The following FAT4 variants were observed in gnomAD, a reference collection of about 807,000 sequenced individuals.
FAT4 encodes protocadherin Fat 4.
In FAT4, 84 loss-of-function variants were observed where a neutral mutation model predicts 303.9. The ratio of observed to expected loss-of-function variants is 0.28; its 90% CI spans 0.23 to 0.33. The LOEUF is 0.33. Among genes scored for constraint, FAT4 ranks in the 10% least tolerant of loss-of-function variants. The pLI is 1.00. For synonymous variants in FAT4, 2,307 were observed against 2,298.8 expected (o/e 1.00, Z -0.10); for missense variants, 6,005 against 6,146.8 (o/e 0.98, Z 0.77).
intron 11 of FAT4, among the ~76,000 whole-genome samples, chr4:125,464,561 C>T (rs572314709): frequency 1.5e-4 from 23 of 151,484 alleles, no homozygotes; most frequent in Non-Finnish European, 3.1e-4. Context: ...GGGTAATGTG[C>T]ACAACGTGCA....
intron 2 of FAT4, among the ~76,000 whole-genome samples, chr4:125,374,868 C>A (rs1332275170): frequency 2.6e-5 from 4 of 152,048 alleles, no homozygotes; most frequent in Non-Finnish European, 4.4e-5. Context: ...CAGAAGGATA[C>A]AAGTAAATGA....
chr4:125,457,396 T>C (rs750154843), intron 10 of FAT4, among the ~76,000 whole-genome samples: 42 of 152,138 alleles, frequency 2.8e-4, no homozygotes, highest in Non-Finnish European at 5.7e-4. Context: ...AGTTTATTTC[T>C]GAAATATTCT....
chr4:125,398,920 C>T lies in FAT4; in HGVS notation c.5307+5C>T. ...ACAGCCATGGATGCTGATGAGGTAG[C>T]TCAAGCATGTCTCTGAATTTGTGAA... On this transcript the variant is annotated splice_donor_5th_base_variant and intron_variant, in intron 3 of 17. Coordinates refer to ENST00000394329, the MANE Select transcript of FAT4 (RefSeq NM_001291303.3). The T allele has an allele frequency of 6.2e-7, 1 of 1,612,442 alleles. No individual in the cohort carries two copies. The highest frequency in any genetic ancestry group is 1.1e-5 in the South Asian group (1 of 90,928).
intron 2 of FAT4, among the ~76,000 whole-genome samples, chr4:125,397,094 C>T (rs914117603): frequency 1.3e-5 from 2 of 151,856 alleles, no homozygotes; most frequent in African/African-American, 4.8e-5. Context: ...TTTCTCAAAG[C>T]CTTTCTCTGG....
chr4:125,378,489 CTAAG>C (rs1733418918), intron 2 of FAT4, among the ~76,000 whole-genome samples: 1 of 151,940 alleles, frequency 6.6e-6, no homozygotes, highest in African/African-American at 2.4e-5. Context: ...ATTTGGTGAG[CTAAG>C]TATGGTCAAG....
Position 125,470,315 on chromosome 4 carries a change from G to A in FAT4, c.12213+1496G>A, listed in dbSNP as rs557424965. Among the ~76,000 whole-genome samples, 5 of 152,272 alleles carry A rather than the reference G, an allele frequency of 3.3e-5. No individual in the cohort carries two copies. The South Asian group carries it at 8.3e-4, about 25-fold the overall frequency. On this transcript the variant is annotated intron_variant, in intron 12 of 17. Transcript: ENST00000394329. ...ATTTTTAATATGGAAAAGGAGCACT[G>A]GTTTCAATTTCAAGACACCAGCTAT...
intron 8 of FAT4, among the ~76,000 whole-genome samples, chr4:125,440,610 T>TGTGTGTGTGTGAGAGAGA (rs372756130): frequency 1.7e-4 from 13 of 75,746 alleles, no homozygotes; most frequent in African/African-American, 6.4e-4. Flanking sequence ...TGTGTGTGTG[T>TGTGTGTGTGTGAGAGAGA]GAGAGAGAGA....
At chr4:125,402,455 T>A (rs535754847) in intron 3 of FAT4, among the ~76,000 whole-genome samples, 4 of 151,974 alleles carry the variant, frequency 2.6e-5, no homozygotes, top group Admixed American at 6.6e-5. Context: ...ACCATAAAAT[T>A]ACAATAAATA....
At chr4:125,446,065 A>C in intron 8 of FAT4, 1 of 383,810 alleles carries the variant, frequency 2.6e-6, no homozygotes, top group East Asian at 4.4e-5. Context: ...AACCTTGTGA[A>C]GACTTCCTTG....
At chr4:125,375,734 G>A (rs989588664) in intron 2 of FAT4, among the ~76,000 whole-genome samples, 1 of 152,116 alleles carries the variant, frequency 6.6e-6, no homozygotes, top group Non-Finnish European at 1.5e-5. Context: ...ATTAATTTCT[G>A]CTTTTAACCA....
chr4:125,371,975 G>A (rs1164951667), intron 2 of FAT4, among the ~76,000 whole-genome samples: 1 of 152,030 alleles, frequency 6.6e-6, no homozygotes, highest in East Asian at 1.9e-4. Flanking sequence ...ACAGAACCTG[G>A]CACTTGATAG....
intron 3 of FAT4, 39 bp from the exon 4 acceptor site, chr4:125,406,841 C>G: frequency 1.3e-6 from 2 of 1,591,730 alleles, no homozygotes; most frequent in Non-Finnish European, 1.7e-6. Flanking sequence ...CAATGCTTTT[C>G]TACTTCCAAT....
At chr4:125,473,240 A>G (rs1255742062) in intron 12 of FAT4, among the ~76,000 whole-genome samples, 1 of 152,120 alleles carries the variant, frequency 6.6e-6, no homozygotes, top group Admixed American at 6.6e-5. Context: ...CACAACCCAC[A>G]TATAACCTTT....
At chr4:125,460,281 T>C (rs1307101265) in intron 10 of FAT4, among the ~76,000 whole-genome samples, 5 of 152,072 alleles carry the variant, frequency 3.3e-5, no homozygotes. Context: ...CCATTTTATC[T>C]ATTTTTTTAA....
intron 2 of FAT4, among the ~76,000 whole-genome samples, chr4:125,357,325 C>T (rs537581561): frequency 7.1e-4 from 108 of 152,046 alleles, no homozygotes; most frequent in Middle Eastern, 3.4e-3. Flanking sequence ...TACAGTCTCT[C>T]GATTGATAAT....
At chr4:125,379,248 G>T (rs1560787708) in intron 2 of FAT4, among the ~76,000 whole-genome samples, 1 of 140,008 alleles carries the variant, frequency 7.1e-6, no homozygotes, top group Non-Finnish European at 1.6e-5. Flanking sequence ...CTTTTAAAAA[G>T]TTTTTTTTTT....
At chr4:125,371,801 A>T (rs933910540) in intron 2 of FAT4, among the ~76,000 whole-genome samples, 5 of 152,042 alleles carry the variant, frequency 3.3e-5, no homozygotes, top group Non-Finnish European at 5.9e-5. Flanking sequence ...AAGTGATGTA[A>T]TGGAGAATGA....
At chr4:125,482,100 A>G (rs372350584) in intron 16 of FAT4, among the ~76,000 whole-genome samples, 39 of 152,356 alleles carry the variant, frequency 2.6e-4, no homozygotes, top group African/African-American at 9.4e-4. Flanking sequence ...AAATACAAAA[A>G]TATTTTTCTC....
At position 125,414,924 on chromosome 4, in the gene FAT4, T is replaced by C. The variant is rs1019434225; in HGVS notation, c.5961T>C (p.Asp1987=). The C allele has an allele frequency of 5.7e-5, 91 of 1,609,960 alleles. No homozygotes were observed. Among genetic ancestry groups the C allele is most frequent in the Non-Finnish European group, 7.7e-5 (91 of 1,176,760 alleles). ...SQLTYSIASG[D]SLGQFTVDKN... is the part of the protein sequence containing the mutation. ...TGACTTATAGCATTGCTTCAGGTGA[T>C]AGCCTTGGGCAGTTTACTGTTGACA... The change falls in exon 6 of 18, where the codon GAT becomes GAC. Residue 1987 remains aspartate, a synonymous_variant. Transcript: ENST00000394329.
Sources: allele counts gnomAD v4.1 joint callset (sites outside exome capture counted in the v4.1 genomes callset), GRCh38; gene constraint gnomAD v4.1.1; transcripts MANE v1.5; gene names NCBI Gene and HGNC (gene_info 2026-07-23, HGNC 2026-07-21).